NRAP: variants seen among roughly 807,000 people sequenced by gnomAD.
The protein encoded by NRAP is nebulin-related-anchoring protein.
Under a neutral mutation model 225.9 loss-of-function variants are expected in NRAP, and 189 were observed. The observed-to-expected ratio is 0.84, with a 90% confidence interval of 0.74 to 0.94. The LOEUF is 0.94. Ranked by LOEUF, NRAP falls within the 40% of genes least tolerant of loss-of-function variation. The pLI, the probability that NRAP is intolerant of heterozygous loss-of-function variation, is 0.00. For missense variants in NRAP, 2,176 were observed against 2,168.7 expected, an observed-to-expected ratio of 1.00 and a Z score of -0.07; for synonymous variants, 769 against 790.7, an observed-to-expected ratio of 0.97 and a Z score of 0.46.
Position 113,592,184 on chromosome 10 carries a change from G to C in NRAP, c.4644+10C>G. On this transcript the variant is annotated intron_variant, in intron 39 of 41. Coordinates refer to ENST00000359988, the MANE Select transcript of NRAP (RefSeq NM_198060.4). The stretch of plus-strand genomic sequence containing the variant: ...ATCAGTGACCGCAGGAGAGAACATG[G>C]GGGTCTTACATCACTGGCGATCTCC... The C allele has an allele frequency of 1.3e-6, 2 of 1,556,364 alleles. No individual in the cohort carries two copies. The highest frequency in any genetic ancestry group is 1.8e-6 in the Non-Finnish European group (2 of 1,132,412).
chr10:113,590,666 T>C lies in NRAP; in HGVS notation c.4868A>G (p.His1623Arg), dbSNP rs997255250. 1 of 1,614,002 alleles carries C rather than the reference T, an allele frequency of 6.2e-7. No homozygotes were observed. Among genetic ancestry groups the C allele is most frequent in the African/African-American group, 1.3e-5 (1 of 74,906 alleles). The stretch of plus-strand genomic sequence containing the variant: ...GGGCTGGGGCAGGGGCTGCCTGTAG[T>C]GCACATCACTGGCCAGCTGCTGGCT... ...KRSQQLASDV[H>R]YRQPLPQPTC... is the part of the protein sequence containing the mutation. The change falls in exon 40 of 42, where the codon CAC (histidine) becomes CGC (arginine). Residue 1623 changes from histidine (H) to arginine (R), a missense_variant. His to Arg is a conservative substitution (Grantham distance 29). Around this residue, in one of 3 missense-constraint regions of NRAP, gnomAD observed 445 missense variants for 426.1 expected, o/e 1.04. Coordinates refer to ENST00000359988, the MANE Select transcript of NRAP (RefSeq NM_198060.4).
chr10:113,638,813 T>C (rs1849026261), intron 14 of NRAP, among the ~76,000 whole-genome samples: 1 of 152,222 alleles, frequency 6.6e-6, no homozygotes, highest in Admixed American at 6.5e-5. Context: ...ATGTGGCTCA[T>C]GGGCTGCCAG....
At chr10:113,620,514 G>A in intron 25 of NRAP, 90 bp downstream of exon 25, 1 of 940,114 alleles carries the variant, frequency 1.1e-6, no homozygotes, top group Non-Finnish European at 1.7e-6. Flanking sequence ...CTTTTTCTTT[G>A]CCTTTTGAGT....
chr10:113,655,998 T>C (rs952832144), intron 4 of NRAP, among the ~76,000 whole-genome samples: 2 of 152,182 alleles, frequency 1.3e-5, no homozygotes, highest in African/African-American at 4.8e-5. Flanking sequence ...AAAGTTAACC[T>C]GCAAAACTGG....
Position 113,629,608 on chromosome 10 carries a change from C to A in NRAP, c.2020G>T (p.Ala674Ser), listed in dbSNP as rs148168568. The A allele has an allele frequency of 5.3e-4, 848 of 1,613,044 alleles. No individual in the cohort carries two copies. Among genetic ancestry groups the A allele is most frequent in the Non-Finnish European group, 6.9e-4 (819 of 1,179,206 alleles). ...CTCACCTCGCTCTGGAGCCCATAGG[C>A]CTTCTTGGCCCACTGAGTCTTCATA... Reference protein sequence around the residue: ...EDMKTQWAKKAYGLQSELQYK... With the variant: ...EDMKTQWAKKSYGLQSELQYK... The change falls in exon 19 of 42, where the codon GCC becomes TCC. Residue 674 changes from alanine to serine, a missense_variant. Around this residue, in one of 3 missense-constraint regions of NRAP, gnomAD observed 1,708 missense variants for 1,695.5 expected, o/e 1.01. Coordinates refer to ENST00000359988, the MANE Select transcript of NRAP (RefSeq NM_198060.4).
In NRAP at chr10:113,590,641, G is replaced by A; in HGVS notation, c.4893C>T (p.Pro1631=). 6.2e-7 allele frequency: 1 copy of A among 1,614,082 alleles called. No individual in the cohort carries two copies. Among genetic ancestry groups the A allele is most frequent in the Middle Eastern group, 1.6e-4 (1 of 6,062 alleles). ...DVHYRQPLPQ[P]TCDPEQLGLR... The stretch of plus-strand genomic sequence containing the variant: ...GGCCCAGCTGCTCCGGGTCGCAGGT[G>A]GGCTGGGGCAGGGGCTGCCTGTAGT... Residue 1631 remains proline (P), a synonymous_variant, in exon 40 of 42, where the codon CCC becomes CCT. Transcript: ENST00000359988.
intron 35 of NRAP, among the ~76,000 whole-genome samples, chr10:113,603,472 C>A (rs1279641209): frequency 6.6e-6 from 1 of 152,076 alleles, no homozygotes; most frequent in Non-Finnish European, 1.5e-5. Flanking sequence ...CTGGAGCCCA[C>A]CCTCCCTAGG....
chr10:113,623,387 G>A lies in NRAP; in HGVS notation c.2457+142C>T, dbSNP rs67697865. On this transcript the variant is annotated intron_variant, in intron 23 of 41. Transcript: ENST00000359988. ...CACAGATGTGATTATCTCATTGCAA[G>A]GTGATTGCTATCATCTCCATTTTAC... The A allele has an allele frequency of 0.15, 81,404 of 534,478 alleles. 7,263 individuals carry two copies. Among genetic ancestry groups the A allele is most frequent in the African/African-American group, 0.3 (16,159 of 53,224 alleles). The allele number at this position is 534,478 out of a possible 1,614,324, so 33.1% of individuals were successfully genotyped here. A position where few individuals can be genotyped will look rare whatever the true frequency, so the allele number is the denominator to read the frequency against.
At position 113,663,616 on chromosome 10, in the gene NRAP, C is replaced by CT. The variant is rs11349376; in HGVS notation, c.73-171dup. On this transcript the variant is annotated intron_variant, in intron 1 of 41. Transcript: ENST00000359988. ...CACTCACGGTTAAATAAATGGATAA[C>CT]TTTTTTTTTTTGAGACAACACAGAA... Among the ~76,000 whole-genome samples, 292 of 150,064 alleles carry CT rather than the reference C, an allele frequency of 1.9e-3. 3 individuals carry two copies. In the East Asian group the frequency reaches 0.028, roughly 15 times the overall value.
intron 37 of NRAP, among the ~76,000 whole-genome samples, chr10:113,595,971 T>A (rs1846266969): frequency 6.6e-6 from 1 of 152,166 alleles, no homozygotes; most frequent in Non-Finnish European, 1.5e-5. Context: ...CAAGATCTGC[T>A]CCAAATAAGC....
intron 11 of NRAP, among the ~76,000 whole-genome samples, chr10:113,644,798 T>C (rs1157913714): frequency 6.6e-6 from 1 of 152,236 alleles, no homozygotes; most frequent in Non-Finnish European, 1.5e-5. Context: ...AAAATATTTT[T>C]GGATATTTGC....
At chr10:113,615,150 G>T (rs1260891896) in intron 27 of NRAP, among the ~76,000 whole-genome samples, 5 of 152,244 alleles carry the variant, frequency 3.3e-5, no homozygotes, top group African/African-American at 9.6e-5. Flanking sequence ...GCAGGGGATG[G>T]GGTTGGGGGG....
At chr10:113,616,424 T>C (rs148103951) in intron 26 of NRAP, among the ~76,000 whole-genome samples, 19 of 152,324 alleles carry the variant, frequency 1.2e-4, no homozygotes, top group Admixed American at 3.9e-4. Context: ...TATCCAAGTT[T>C]CTACGTATCA....
At chr10:113,635,811 C>A (rs927811129) in intron 14 of NRAP, among the ~76,000 whole-genome samples, 2 of 152,210 alleles carry the variant, frequency 1.3e-5, no homozygotes, top group Admixed American at 1.3e-4. Context: ...CTCTCCTTCC[C>A]TTATGCTCAC....
chr10:113,656,643 T>C (rs1422212339), intron 4 of NRAP, among the ~76,000 whole-genome samples: 1 of 152,238 alleles, frequency 6.6e-6, no homozygotes, highest in African/African-American at 2.4e-5. Context: ...AATATCATTA[T>C]GTTAGGAAGT....
chr10:113,653,995 C>T (rs1850147051), intron 5 of NRAP, 26 bp downstream of exon 5: 1 of 1,404,272 alleles, frequency 7.1e-7, no homozygotes, highest in Non-Finnish European at 1.0e-6. Context: ...TAAACCAATT[C>T]CTAAAGCAAT....
chr10:113,629,284 T>A (rs1564734230), intron 19 of NRAP, among the ~76,000 whole-genome samples: 1 of 107,120 alleles, frequency 9.3e-6, no homozygotes, highest in Non-Finnish European at 2.3e-5. Flanking sequence ...ACCAAGGGCC[T>A]TTTTTTTGCC....
At chr10:113,653,915 T>C in intron 5 of NRAP, 106 bp downstream of exon 5, 1 of 763,378 alleles carries the variant, frequency 1.3e-6, no homozygotes, top group African/African-American at 1.7e-5. Context: ...TCTTTGGGGA[T>C]GATAGCATCA....
chr10:113,649,091 A>G (rs1681387757), intron 9 of NRAP, among the ~76,000 whole-genome samples: 1 of 152,218 alleles, frequency 6.6e-6, no homozygotes, highest in African/African-American at 2.4e-5. Context: ...CACTTAATTA[A>G]CTTAGAGAAT....
Sources: allele counts gnomAD v4.1 joint callset (sites outside exome capture counted in the v4.1 genomes callset), GRCh38; gene constraint gnomAD v4.1.1; regional missense constraint gnomAD v4.1.1; transcripts MANE v1.5; gene names NCBI Gene and HGNC (gene_info 2026-07-23, HGNC 2026-07-21).